The following AFAP1 variants were observed in gnomAD, a reference collection of about 807,000 sequenced individuals.
AFAP1 encodes actin filament-associated protein 1.
In AFAP1, 75 loss-of-function variants were observed where a neutral mutation model predicts 93.9. The observed-to-expected ratio is 0.80, with a 90% CI of 0.66 to 0.97. The LOEUF (loss-of-function observed/expected upper bound fraction) is 0.97, where lower values mean the gene tolerates loss of function less well. Among genes scored for constraint, AFAP1 ranks in the 50% least tolerant of loss-of-function variants. AFAP1 has a pLI of 0.00. For synonymous variants in AFAP1, 517 were observed against 430.7 expected (o/e 1.20, Z -2.48); for missense variants, 1,201 against 1,050.8 (o/e 1.14, Z -1.98).
chr4:7,872,389 C>T (rs547936092), intron 1 of AFAP1: 7 of 232,428 alleles, frequency 3.0e-5, no homozygotes, highest in Admixed American at 2.1e-4. Flanking sequence ...GTCAATTCCA[C>T]GATATTAAAT....
chr4:7,886,433 G>A (rs1260915565), intron 1 of AFAP1, among the ~76,000 whole-genome samples: 1 of 152,134 alleles, frequency 6.6e-6, no homozygotes, highest in Admixed American at 6.5e-5. Flanking sequence ...TCTGAAAGTG[G>A]GATCTTTAAA....
At chr4:7,783,146 C>A (rs1716937566) in intron 12 of AFAP1, among the ~76,000 whole-genome samples, 1 of 147,792 alleles carries the variant, frequency 6.8e-6, no homozygotes, top group Non-Finnish European at 1.5e-5. Flanking sequence ...TAAATATGAA[C>A]TTTTTTTTTT....
At chr4:7,909,886 G>A (rs959671046) in intron 1 of AFAP1, among the ~76,000 whole-genome samples, 3 of 152,244 alleles carry the variant, frequency 2.0e-5, no homozygotes, top group South Asian at 2.1e-4. Flanking sequence ...TGTCCAAGAC[G>A]CTCTCACACC....
At chr4:7,928,237 G>A (rs900619358) in intron 1 of AFAP1, among the ~76,000 whole-genome samples, 8 of 152,210 alleles carry the variant, frequency 5.3e-5, no homozygotes, top group Non-Finnish European at 7.4e-5. Context: ...ATGAGGCCTG[G>A]GAGAAAGCAG....
At chr4:7,818,341 A>G (rs1720668441) in intron 7 of AFAP1, among the ~76,000 whole-genome samples, 1 of 152,172 alleles carries the variant, frequency 6.6e-6, no homozygotes, top group Admixed American at 6.5e-5. Flanking sequence ...CTGCTTCTAC[A>G]TACATACATC....
chr4:7,867,133 G>GAGGGT (rs1716513161), intron 3 of AFAP1, among the ~76,000 whole-genome samples: 2 of 59,528 alleles, frequency 3.4e-5, no homozygotes, highest in Non-Finnish European at 5.4e-5. Flanking sequence ...TAGGGGAGCG[G>GAGGGT]AGGGGAGGGG....
At chr4:7,766,032 T>C (rs1446279282) in intron 17 of AFAP1, among the ~76,000 whole-genome samples, 1 of 152,244 alleles carries the variant, frequency 6.6e-6, no homozygotes, top group Admixed American at 6.5e-5. Flanking sequence ...CGTCTCCGCA[T>C]GCTGCATACA....
rs531684652 is a variant in AFAP1 at position 7,801,914 on chromosome 4, C to CAAAAAAA, written c.1055-1268_1055-1262dup. On this transcript the variant is annotated intron_variant, in intron 9 of 17. Transcript: ENST00000420658. ...TGAGCAACACAGTGAGACCCTATCA[C>CAAAAAAA]AAAAAAAAAAAAAAAAAAAAAAAAA... is the stretch of plus-strand genomic sequence containing the variant. 1.3e-3 allele frequency among the ~76,000 whole-genome samples: 87 copies of CAAAAAAA among 65,184 alleles called. 3 individuals carry two copies. The highest frequency in any genetic ancestry group is 3.3e-3 in the African/African-American group (54 of 16,584). The allele number at this position is 65,184 out of a possible 152,430, so 42.8% of individuals were successfully genotyped here.
intron 1 of AFAP1, among the ~76,000 whole-genome samples, chr4:7,910,186 C>A (rs550153919): frequency 6.6e-6 from 1 of 152,268 alleles, no homozygotes; most frequent in Admixed American, 6.5e-5. Context: ...CTAGCACACC[C>A]CCAAAAGCGC....
Position 7,854,796 on chromosome 4 carries a change from C to A in AFAP1, c.334+670G>T, listed in dbSNP as rs531781571. Among the ~76,000 whole-genome samples, 267 of 152,172 alleles carry A rather than the reference C, an allele frequency of 1.8e-3. 1 individual carries two copies. The highest frequency in any genetic ancestry group is 1.5e-3 in the Non-Finnish European group (103 of 68,016). ...TTCAACTTTCTTATGAGATGGTAGC[C>A]CCCCGCCTGACAGATACTGAAAGGA... is the stretch of plus-strand genomic sequence containing the variant. On this transcript the variant is annotated intron_variant, in intron 4 of 17. Transcript: ENST00000420658.
At chr4:7,771,737 T>G (rs1266164607) in intron 16 of AFAP1, among the ~76,000 whole-genome samples, 1 of 151,890 alleles carries the variant, frequency 6.6e-6, no homozygotes, top group Non-Finnish European at 1.5e-5. Context: ...CATGCATGAG[T>G]GGCTGGGTTT....
chr4:7,932,983 G>A (rs1384974509), intron 1 of AFAP1, among the ~76,000 whole-genome samples: 1 of 121,064 alleles, frequency 8.3e-6, no homozygotes, highest in Non-Finnish European at 1.6e-5. Context: ...TCGCGCCACT[G>A]CACTCCAGCC....
rs539949774 is a variant in AFAP1 at position 7,819,028 on chromosome 4, A to G, written c.822+48T>C. 12 of 1,472,940 alleles carry G rather than the reference A, an allele frequency of 8.1e-6. No individual in the cohort carries two copies. The South Asian group carries it at 1.2e-4, about 14-fold the overall frequency. 91.2% of individuals were successfully genotyped at this position (1,472,940 alleles called of 1,614,324 possible). A position where few individuals can be genotyped will look rare whatever the true frequency, so the allele number is the denominator to read the frequency against. On this transcript the variant is annotated intron_variant, in intron 7 of 17. Coordinates refer to ENST00000420658, the MANE Select transcript of AFAP1 (RefSeq NM_001134647.2). ...TTATCAAACTTTGAAAGAGACCCCAATCCACTGCAAGGTCACCGTCCCCAC... is the reference window on the plus strand; with the variant it reads ...TTATCAAACTTTGAAAGAGACCCCAGTCCACTGCAAGGTCACCGTCCCCAC...
chr4:7,815,565 T>C (rs1202685977), intron 8 of AFAP1, among the ~76,000 whole-genome samples: 1 of 152,146 alleles, frequency 6.6e-6, no homozygotes, highest in Non-Finnish European at 1.5e-5. Context: ...CAAGAGGGAA[T>C]ACCTGCTCAA....
intron 4 of AFAP1, among the ~76,000 whole-genome samples, chr4:7,847,170 A>T (rs1328791337): frequency 6.6e-6 from 1 of 152,170 alleles, no homozygotes; most frequent in Non-Finnish European, 1.5e-5. Context: ...CAAACAAGAG[A>T]ACTCTCTGGA....
At chr4:7,903,210 ACTAT>A (rs1363883045) in intron 1 of AFAP1, among the ~76,000 whole-genome samples, 1 of 151,842 alleles carries the variant, frequency 6.6e-6, no homozygotes, top group Non-Finnish European at 1.5e-5. Flanking sequence ...ATATTGACTA[ACTAT>A]CTAGGTGCCA....
At chr4:7,788,213 C>A (rs139434182) in intron 11 of AFAP1, among the ~76,000 whole-genome samples, 7 of 152,368 alleles carry the variant, frequency 4.6e-5, no homozygotes, top group Admixed American at 3.9e-4. Flanking sequence ...ACAGCATTTC[C>A]TGCTAGTGTG....
At chr4:7,917,168 C>A (rs910701679) in intron 1 of AFAP1, among the ~76,000 whole-genome samples, 1 of 152,158 alleles carries the variant, frequency 6.6e-6, no homozygotes, top group Non-Finnish European at 1.5e-5. Flanking sequence ...GGCGCACAGA[C>A]CCTGTCACAT....
intron 1 of AFAP1, among the ~76,000 whole-genome samples, chr4:7,929,680 C>A (rs1436702747): frequency 1.3e-5 from 2 of 152,248 alleles, no homozygotes; most frequent in African/African-American, 4.8e-5. Flanking sequence ...ACAGCTGCCT[C>A]TTCCTGTGTG....
Sources: gnomAD v4.1 joint callset for allele counts (sites outside exome capture counted in the v4.1 genomes callset) on GRCh38, gnomAD v4.1.1 for gene constraint, MANE v1.5 for transcripts, NCBI Gene and HGNC (gene_info 2026-07-23, HGNC 2026-07-21) for gene names.